The following AKAP12 variants were observed in gnomAD, a reference collection of about 807,000 sequenced individuals.
The protein encoded by AKAP12 is A-kinase anchoring protein 12, also known as A-kinase anchor protein 12.
A neutral mutation model predicts 79.9 loss-of-function variants in AKAP12; 32 were observed. The ratio of observed to expected loss-of-function variants is 0.40; its 90% confidence interval spans 0.30 to 0.54. AKAP12 has a LOEUF of 0.54. Ranked by LOEUF, AKAP12 falls within the 20% of genes least tolerant of loss-of-function variation. The probability of loss-of-function intolerance (pLI) is 0.48; values close to 1 mark genes in which losing one functional copy is unlikely to be tolerated. For missense variants in AKAP12, 2,074 were observed against 2,177.0 expected (o/e 0.95, Z 0.94); for synonymous variants, 808 against 857.0 (o/e 0.94, Z 1.00).
intron 3 of AKAP12, among the ~76,000 whole-genome samples, chr6:151,327,108 C>A (rs1431885948): frequency 7.0e-6 from 1 of 143,130 alleles, no homozygotes; most frequent in Non-Finnish European, 1.5e-5. Context: ...AGCCACCGCA[C>A]CTGGCCTACA....
chr6:151,354,126 G>A (rs1227634160), intron 4 of AKAP12, among the ~76,000 whole-genome samples: 1 of 151,226 alleles, frequency 6.6e-6, no homozygotes, highest in Non-Finnish European at 1.5e-5. Context: ...CAATGGCTGG[G>A]CGTGGTGCCT....
chr6:151,292,748 GC>G (rs1289304110), intron 2 of AKAP12, among the ~76,000 whole-genome samples: 1 of 152,224 alleles, frequency 6.6e-6, no homozygotes, highest in African/African-American at 2.4e-5. Flanking sequence ...ATGGTGAAGA[GC>G]CTGCAAGGCG....
At chr6:151,281,551 T>C (rs1403132567) in intron 2 of AKAP12, among the ~76,000 whole-genome samples, 1 of 152,198 alleles carries the variant, frequency 6.6e-6, no homozygotes, top group Non-Finnish European at 1.5e-5. Flanking sequence ...CTCCTACACA[T>C]AGGGAATAGC....
In AKAP12 at chr6:151,267,133, A is replaced by T. The variant is rs9478998; in HGVS notation, c.162+26409A>T. Among the ~76,000 whole-genome samples, 1,047 of 132,670 alleles carry T rather than the reference A, an allele frequency of 7.9e-3. 9 individuals are homozygous for T. Among genetic ancestry groups the T allele is most frequent in the Non-Finnish European group, 0.01 (609 of 60,700 alleles). The allele number at this position is 132,670 out of a possible 152,430, so 87.0% of individuals were successfully genotyped here. A position where few individuals can be genotyped will look rare whatever the true frequency, so the allele number is the denominator to read the frequency against. On this transcript the variant is annotated intron_variant, in intron 2 of 4. Transcript: ENST00000402676. ...TCATTTCTCTTTCTTGAGATTTTGTAAAAAAAAACCAGCAGACAGATCAAC... is the reference window on the plus strand; with the variant it reads ...TCATTTCTCTTTCTTGAGATTTTGTTAAAAAAAACCAGCAGACAGATCAAC...
intron 3 of AKAP12, among the ~76,000 whole-genome samples, chr6:151,345,096 G>A (rs1778054385): frequency 6.6e-6 from 1 of 151,556 alleles, no homozygotes; most frequent in Non-Finnish European, 1.5e-5. Context: ...TTTTGGGGGG[G>A]ACAGAGTCTT....
rs139308828 is a variant in AKAP12 at position 151,249,913 on chromosome 6, A to G, written c.162+9189A>G. On this transcript the variant is annotated intron_variant, in intron 2 of 4. Coordinates refer to ENST00000402676, the MANE Select transcript of AKAP12 (RefSeq NM_005100.4). ...TCTCTTTCATGGCTATGGTGAGTTC[A>G]TACATACATAAATACCAACATGTGG... Among the ~76,000 whole-genome samples, 577 of 152,286 alleles carry G rather than the reference A, an allele frequency of 3.8e-3. 2 individuals carry two copies. The highest frequency in any genetic ancestry group is 0.013 in the African/African-American group (559 of 41,552).
chr6:151,248,867 A>G (rs1417832922), intron 2 of AKAP12, among the ~76,000 whole-genome samples: 1 of 152,016 alleles, frequency 6.6e-6, no homozygotes, highest in Non-Finnish European at 1.5e-5. Context: ...TGTACCTGTA[A>G]TCCCAGCTAC....
chr6:151,312,659 G>A (rs1281807080), intron 3 of AKAP12, among the ~76,000 whole-genome samples: 2 of 152,018 alleles, frequency 1.3e-5, no homozygotes, highest in Admixed American at 6.6e-5. Flanking sequence ...GGGCGTGGTG[G>A]CGGGCGCCTG....
At chr6:151,259,949 C>G (rs4870006) in intron 2 of AKAP12, among the ~76,000 whole-genome samples, 103,991 of 151,236 alleles carry the variant, frequency 0.69, 37,156 homozygotes, top group African/African-American at 0.88. Context: ...GAATGAAGGA[C>G]ATGGGATTGG....
intron 2 of AKAP12, among the ~76,000 whole-genome samples, chr6:151,256,870 A>G (rs1797309456): frequency 6.6e-6 from 1 of 151,286 alleles, no homozygotes; most frequent in South Asian, 2.1e-4. Context: ...GCTCGTCTCA[A>G]ACTCCTGACT....
chr6:151,328,124 G>A (rs1172873223), intron 3 of AKAP12, among the ~76,000 whole-genome samples: 14 of 143,390 alleles, frequency 9.8e-5, no homozygotes, highest in Middle Eastern at 4.4e-3. Context: ...TCAGGAGATC[G>A]AGACCATCCT....
Position 151,323,303 on chromosome 6 carries a change from C to T in AKAP12, c.319+17400C>T, listed in dbSNP as rs148746647. On this transcript the variant is annotated intron_variant, in intron 3 of 4. Coordinates refer to ENST00000402676, the MANE Select transcript of AKAP12 (RefSeq NM_005100.4). Reference sequence around the variant, plus strand: ...CAGTGGCTCATGCCTGTAGTCCCAGCGCTTTGGGAGGCCGAGGCGGGTGGA... The same window carrying T: ...CAGTGGCTCATGCCTGTAGTCCCAGTGCTTTGGGAGGCCGAGGCGGGTGGA... 2.8e-3 allele frequency among the ~76,000 whole-genome samples: 424 copies of T among 152,300 alleles called. 3 individuals carry two copies. Among genetic ancestry groups the T allele is most frequent in the African/African-American group, 9.6e-3 (397 of 41,560 alleles).
intron 3 of AKAP12, among the ~76,000 whole-genome samples, chr6:151,326,980 A>C (rs2114787721): frequency 6.6e-6 from 1 of 151,926 alleles, no homozygotes; most frequent in South Asian, 2.1e-4. Context: ...CCACGCCCAG[A>C]TAATTTTTGT....
At chr6:151,285,614 CA>C (rs923107951) in intron 2 of AKAP12, among the ~76,000 whole-genome samples, 6 of 150,282 alleles carry the variant, frequency 4.0e-5, no homozygotes, top group African/African-American at 1.5e-4. Flanking sequence ...CAATTTCATG[CA>C]AAAAAGGGGG....
chr6:151,307,594 G>C (rs774155920), intron 3 of AKAP12, among the ~76,000 whole-genome samples: 2 of 152,186 alleles, frequency 1.3e-5, no homozygotes, highest in Non-Finnish European at 2.9e-5. Context: ...CAGGGACACA[G>C]TTTTTTTCAT....
intron 2 of AKAP12, among the ~76,000 whole-genome samples, chr6:151,247,134 GGCTCACACCTGTAATCTCA>G (rs1797091589): frequency 6.6e-6 from 1 of 151,740 alleles, no homozygotes; most frequent in Admixed American, 6.6e-5. Flanking sequence ...CAGGTGTGGG[GGCTCACACCTGTAATCTCA>G]GCACTTTGAG....
intron 3 of AKAP12, chr6:151,324,496 C>G (rs1022905817): frequency 1.0e-5 from 10 of 985,312 alleles, no homozygotes; most frequent in Admixed American, 6.2e-5. Context: ...TTCTCCTGTT[C>G]CTCGCCCACC....
chr6:151,341,880 C>T (rs915166680), intron 3 of AKAP12: 3 of 1,052,648 alleles, frequency 2.8e-6, no homozygotes, highest in Non-Finnish European at 3.7e-6. Flanking sequence ...TCGGGAAGGG[C>T]CTGCGCCCGT....
intron 3 of AKAP12, chr6:151,341,558 TG>T: frequency 2.9e-6 from 1 of 348,830 alleles, no homozygotes; most frequent in Non-Finnish European, 4.5e-6. Flanking sequence ...TGTTCGCGGC[TG>T]GCTTCCCGGG....
Sources: allele counts gnomAD v4.1 joint callset (sites outside exome capture counted in the v4.1 genomes callset), GRCh38; gene constraint gnomAD v4.1.1; transcripts MANE v1.5; gene names NCBI Gene and HGNC (gene_info 2026-07-23, HGNC 2026-07-21).